MAP1B: variants seen among roughly 807,000 people sequenced by gnomAD.
The protein encoded by MAP1B is microtubule-associated protein 1B.
A neutral mutation model predicts 176.1 loss-of-function variants in MAP1B; 12 were observed. That is an observed-to-expected ratio of 0.07 (90% CI 0.04 to 0.11). The LOEUF is 0.11. Ranked by LOEUF, MAP1B falls within the 10% of genes least tolerant of loss-of-function variation. MAP1B has a pLI of 1.00. For synonymous variants in MAP1B, 1,044 were observed against 1,135.0 expected (o/e 0.92, Z 1.61); for missense variants, 2,523 against 2,990.5 (o/e 0.84, Z 3.65).
rs1314606117 is a variant in MAP1B, at chr5:72,198,342, A to G, written c.4987A>G (p.Ser1663Gly). The G allele has an allele frequency of 6.2e-7, 1 of 1,614,094 alleles. No individual in the cohort carries two copies. The highest frequency in any genetic ancestry group is 1.3e-5 in the African/African-American group (1 of 74,928). Residue 1663 changes from serine to glycine, a missense_variant, in exon 5 of 7, where the codon AGT (serine) becomes GGT (glycine). Physicochemically the swap from Ser to Gly is moderately conservative, Grantham distance 56. This residue lies in a region of MAP1B where 1,925 missense variants were observed against 2,126.0 expected (regional missense o/e 0.91). Coordinates refer to ENST00000296755, the MANE Select transcript of MAP1B (RefSeq NM_005909.5). The stretch of plus-strand genomic sequence containing the variant: ...TGAGCAATCCCTTGCTATGGACTTC[A>G]GTCGACAGTCTCCAGATCACCCTAC... ...SPEQSLAMDF[S>G]RQSPDHPTVG... is the part of the protein sequence containing the mutation.
intron 5 of MAP1B, among the ~76,000 whole-genome samples, chr5:72,201,206 A>C (rs534838501): frequency 9.4e-5 from 14 of 149,158 alleles, no homozygotes; most frequent in Non-Finnish European, 1.6e-4. Context: ...CCACAAAAAA[A>C]AAAAAATGTT....
At chr5:72,202,121 T>A (rs1037984824) in intron 5 of MAP1B, among the ~76,000 whole-genome samples, 4 of 152,254 alleles carry the variant, frequency 2.6e-5, no homozygotes, top group African/African-American at 9.6e-5. Flanking sequence ...TGCTTTTAGA[T>A]GTCTAAAAAG....
intron 4 of MAP1B, 79 bp from the exon 5 acceptor site, chr5:72,193,787 A>T: frequency 1.4e-6 from 2 of 1,426,254 alleles, no homozygotes; most frequent in East Asian, 4.8e-5. Context: ...TGTAACACAT[A>T]GTTATAGCTG....
In MAP1B at chr5:72,200,266, C is replaced by T; in HGVS notation, c.6911C>T (p.Thr2304Ile). 2 of 1,614,176 alleles carry T rather than the reference C, an allele frequency of 1.2e-6. No individual in the cohort carries two copies. The highest frequency in any genetic ancestry group is 1.7e-6 in the Non-Finnish European group (2 of 1,180,040). ...GTGGAAAAGGCAGCAAAACCCACCA[C>T]CACTCCTGAGGTCAAAGCTGCACGT... ...ESVEKAAKPT[T>I]TPEVKAARGE... Residue 2304 changes from threonine to isoleucine, a missense_variant, in exon 5 of 7, where the codon ACC (threonine) becomes ATC (isoleucine). By Grantham distance (89) the Thr-to-Ile change is moderately conservative. Coordinates refer to ENST00000296755, the MANE Select transcript of MAP1B (RefSeq NM_005909.5).
intron 1 of MAP1B, 125 bp from the exon 2 acceptor site, chr5:72,115,573 A>G: frequency 1.5e-6 from 1 of 664,688 alleles, no homozygotes; most frequent in Non-Finnish European, 2.8e-6. Context: ...TAAGCCACCA[A>G]GCTCTTCAGA....
At chr5:72,136,851 AATT>A (rs1745846445) in intron 2 of MAP1B, among the ~76,000 whole-genome samples, 3 of 152,268 alleles carry the variant, frequency 2.0e-5, no homozygotes, top group South Asian at 4.1e-4. Flanking sequence ...ATAATATGTG[AATT>A]ATTATTATTT....
rs1561313175 is a variant in MAP1B, at chr5:72,194,362, C to G, written c.1007C>G (p.Ser336Cys). The change falls in exon 5 of 7, where the codon TCC (serine) becomes TGC (cysteine). Residue 336 changes from serine (S) to cysteine (C), a missense_variant. Physicochemically the swap from Ser to Cys is moderately radical, Grantham distance 112. This residue lies in a region of MAP1B where 307 missense variants were observed against 438.4 expected (regional missense o/e 0.70). Transcript: ENST00000296755. This position sits in a 1 kb window ranked among gnomAD's most constrained non-coding sequence, Gnocchi z 7.2. Reference sequence around the variant, plus strand: ...ATTGCAGAGCTCGAGGAAGAACAGTCCCAGGGCTCCACCACAAATAGTGAC... The same window carrying G: ...ATTGCAGAGCTCGAGGAAGAACAGTGCCAGGGCTCCACCACAAATAGTGAC... ...RKIAELEEEQ[S>C]QGSTTNSDWM... is the part of the protein sequence containing the mutation. The G allele has an allele frequency of 6.2e-7, 1 of 1,614,148 alleles. No individual in the cohort carries two copies. Among genetic ancestry groups the G allele is most frequent in the Non-Finnish European group, 8.5e-7 (1 of 1,180,042 alleles).
intron 2 of MAP1B, among the ~76,000 whole-genome samples, chr5:72,157,600 G>T (rs547329106): frequency 6.6e-6 from 1 of 152,206 alleles, no homozygotes; most frequent in South Asian, 2.1e-4. Context: ...GATCGGGGAG[G>T]GTCTCAGGGG....
chr5:72,177,382 G>A (rs1400751287), intron 2 of MAP1B, among the ~76,000 whole-genome samples: 2 of 152,120 alleles, frequency 1.3e-5, no homozygotes, highest in African/African-American at 4.8e-5. Flanking sequence ...TGGGATGGAG[G>A]GGCACAGGGA....
At chr5:72,162,948 G>A (rs555810632) in intron 2 of MAP1B, among the ~76,000 whole-genome samples, 3 of 152,128 alleles carry the variant, frequency 2.0e-5, no homozygotes, top group South Asian at 2.1e-4. Context: ...GAGGAGCCTC[G>A]GCTGGGTGTG....
At position 72,195,630 on chromosome 5, in the gene MAP1B, G is replaced by C. The variant is rs1344404960; in HGVS notation, c.2275G>C (p.Val759Leu). ...AAAACCAGCTGCTTTAAAACCAAAAGTACCCAAGAAGGAAGAGTCTGTCAA... is the reference window on the plus strand; with the variant it reads ...AAAACCAGCTGCTTTAAAACCAAAACTACCCAAGAAGGAAGAGTCTGTCAA... ...AKKPAALKPK[V>L]PKKEESVKKD... is the part of the protein sequence containing the mutation. The change falls in exon 5 of 7, where the codon GTA (valine) becomes CTA (leucine). Residue 759 changes from valine to leucine, a missense_variant. By Grantham distance (32) the Val-to-Leu change is conservative. Around this residue, in one of 4 missense-constraint regions of MAP1B, gnomAD observed 1,925 missense variants for 2,126.0 expected, o/e 0.91. Transcript: ENST00000296755. The C allele has an allele frequency of 6.2e-7, 1 of 1,614,206 alleles. No homozygotes were observed. The highest frequency in any genetic ancestry group is 8.5e-7 in the Non-Finnish European group (1 of 1,180,042).
intron 1 of MAP1B, 141 bp downstream of exon 1, chr5:72,107,856 C>T (rs1328050202): frequency 7.5e-6 from 6 of 801,846 alleles, no homozygotes; most frequent in Non-Finnish European, 9.8e-6. Context: ...TGGTCCAGAC[C>T]CTTTCTGGGC....
intron 2 of MAP1B, among the ~76,000 whole-genome samples, chr5:72,166,105 C>G (rs897512925): frequency 6.6e-6 from 1 of 152,102 alleles, no homozygotes; most frequent in Non-Finnish European, 1.5e-5. Context: ...AGTCCCAGGC[C>G]CTGAAATTTT....
At position 72,203,880 on chromosome 5, in the gene MAP1B, G is replaced by A. The variant is rs1171084931; in HGVS notation, c.7251+79G>A. 28 of 1,344,064 alleles carry A rather than the reference G, an allele frequency of 2.1e-5. No homozygotes were observed. In the East Asian group the frequency reaches 6.3e-4, roughly 30 times the overall value. The allele number at this position is 1,344,064 out of a possible 1,614,324, so 83.3% of individuals were successfully genotyped here. ...ATGGGAAGGAACCATGTTTAAAGAG[G>A]CACCTCATGTGGCTGATCGTGGATC... On this transcript the variant is annotated intron_variant, in intron 6 of 6. Coordinates refer to ENST00000296755, the MANE Select transcript of MAP1B (RefSeq NM_005909.5).
chr5:72,194,463 C>G lies in MAP1B; in HGVS notation c.1108C>G (p.Pro370Ala). 1 of 1,613,964 alleles carries G rather than the reference C, an allele frequency of 6.2e-7. No individual in the cohort carries two copies. The highest frequency in any genetic ancestry group is 8.5e-7 in the Non-Finnish European group (1 of 1,180,012). ...ACCTGAAAATCTCAAAAATCCAGAG[C>G]CAAACATCAAGATGAAGAGAAGCAT... ...NVPENLKNPE[P>A]NIKMKRSIEE... is the part of the protein sequence containing the mutation. Residue 370 changes from proline to alanine, a missense_variant, in exon 5 of 7, where the codon CCA becomes GCA. Coordinates refer to ENST00000296755, the MANE Select transcript of MAP1B (RefSeq NM_005909.5). The surrounding 1 kb of genome is among the most constrained non-coding windows in gnomAD (Gnocchi z 7.2).
intron 2 of MAP1B, among the ~76,000 whole-genome samples, chr5:72,128,410 A>T (rs1435846853): frequency 0.011 from 550 of 51,252 alleles, 5 homozygotes; most frequent in African/African-American, 0.04. Context: ...TATTGTTTTA[A>T]AAAAAAAAAA....
chr5:72,197,348 T>C lies in MAP1B; in HGVS notation c.3993T>C (p.Ala1331=). 2 of 1,614,252 alleles carry C rather than the reference T, an allele frequency of 1.2e-6. No homozygotes were observed. Among genetic ancestry groups the C allele is most frequent in the Non-Finnish European group, 1.7e-6 (2 of 1,180,034 alleles). Residue 1331 remains alanine, a synonymous_variant, in exon 5 of 7, where the codon GCT becomes GCC. Coordinates refer to ENST00000296755, the MANE Select transcript of MAP1B (RefSeq NM_005909.5). ...VSPSQSVTGS[A]GHTPYYQSPT... ...CATCTCAGTCCGTGACTGGCAGTGC[T>C]GGTCACACACCTTACTATCAATCTC...
At chr5:72,114,036 G>T (rs1745387751) in intron 1 of MAP1B, among the ~76,000 whole-genome samples, 1 of 152,134 alleles carries the variant, frequency 6.6e-6, no homozygotes, top group African/African-American at 2.4e-5. Context: ...CTTATAATTT[G>T]ACCTTTCCTT....
At chr5:72,113,522 C>G (rs369268551) in intron 1 of MAP1B, among the ~76,000 whole-genome samples, 24 of 152,268 alleles carry the variant, frequency 1.6e-4, no homozygotes, top group African/African-American at 5.8e-4. Flanking sequence ...TGTGCCATGA[C>G]AAGTTAACTG....
Sources: gnomAD v4.1 joint callset for allele counts (sites outside exome capture counted in the v4.1 genomes callset) on GRCh38, gnomAD v4.1.1 for gene constraint, gnomAD v4.1.1 regional missense constraint, Gnocchi (gnomAD v3.1) non-coding constraint, MANE v1.5 for transcripts, NCBI Gene and HGNC (gene_info 2026-07-23, HGNC 2026-07-21) for gene names.